The following PRMT1 variants were observed in gnomAD, a reference collection of about 807,000 sequenced individuals.
PRMT1 encodes the protein protein arginine methyltransferase 1, also known as protein arginine N-methyltransferase 1.
A neutral mutation model predicts 47.4 loss-of-function variants in PRMT1; 5 were observed. The ratio of observed to expected loss-of-function variants is 0.11; its 90% confidence interval spans 0.06 to 0.22. PRMT1 has a LOEUF of 0.22. Among genes scored for constraint, PRMT1 ranks in the 10% least tolerant of loss-of-function variants. The probability of loss-of-function intolerance (pLI) is 1.00; values close to 1 mark genes in which losing one functional copy is unlikely to be tolerated. For synonymous variants in PRMT1, 227 were observed against 204.6 expected, an observed-to-expected ratio of 1.11 and a Z score of -0.94; for missense variants, 249 against 518.4, an observed-to-expected ratio of 0.48 and a Z score of 5.05.
chr19:49,682,164 G>C (rs757453496), intron 4 of PRMT1, 32 bp from the exon 5 acceptor site: 1 of 1,613,786 alleles, frequency 6.2e-7, no homozygotes, highest in South Asian at 1.1e-5. Flanking sequence ...GCAGGGGATG[G>C]GTCTCACCCT....
chr19:49,678,815 C>T (rs1367637284), intron 1 of PRMT1, among the ~76,000 whole-genome samples: 1 of 151,792 alleles, frequency 6.6e-6, no homozygotes. Context: ...GGCTTGGCCG[C>T]ACCTGGAAGT....
At position 49,680,270 on chromosome 19, in the gene PRMT1, C is replaced by A; in HGVS notation, c.91-217C>A. 1 of 1,518,244 alleles carries A rather than the reference C, an allele frequency of 6.6e-7. No homozygotes were observed. Among genetic ancestry groups the A allele is most frequent in the Non-Finnish European group, 9.1e-7 (1 of 1,097,102 alleles). The allele number at this position is 1,518,244 out of a possible 1,614,324, so 94.0% of individuals were successfully genotyped here. On this transcript the variant is annotated intron_variant, in intron 2 of 10. Coordinates refer to ENST00000454376, the MANE Select transcript of PRMT1 (RefSeq NM_001536.6). The surrounding 1 kb of genome is among the most constrained non-coding windows in gnomAD (Gnocchi z 4.2). ...GTGGCTGAGGTATCGGGGTGCTCCC[C>A]TGGATGGTGCTCTGGGGGGGTCCTG...
chr19:49,685,841 T>G lies in PRMT1; in HGVS notation c.760-252T>G. On this transcript the variant is annotated intron_variant, in intron 8 of 10. Coordinates refer to ENST00000454376, the MANE Select transcript of PRMT1 (RefSeq NM_001536.6). This position sits in a 1 kb window ranked among gnomAD's most constrained non-coding sequence, Gnocchi z 4.7. ...TGCATTCTAGGAGGTCTGGACAGAG[T>G]TAGGGTGGCACTGCCAGGTTTGGGT... 1 of 1,337,232 alleles carries G rather than the reference T, an allele frequency of 7.5e-7. No individual in the cohort carries two copies. Among genetic ancestry groups the G allele is most frequent in the East Asian group, 3.1e-5 (1 of 32,448 alleles). 82.8% of individuals were successfully genotyped at this position (1,337,232 alleles called of 1,614,324 possible). A position where few individuals can be genotyped will look rare whatever the true frequency, so the allele number is the denominator to read the frequency against.
Position 49,684,137 on chromosome 19 carries a change from T to C in PRMT1, c.555+68T>C. On this transcript the variant is annotated intron_variant, in intron 6 of 10. Coordinates refer to ENST00000454376, the MANE Select transcript of PRMT1 (RefSeq NM_001536.6). This position sits in a 1 kb window ranked among gnomAD's most constrained non-coding sequence, Gnocchi z 6.2. ...TCCAGGTAGAAGACGAAAACCACGC[T>C]CAATTTTTCCCACAGACGGGACTTA... 2 of 1,590,412 alleles carry C rather than the reference T, an allele frequency of 1.3e-6. No individual in the cohort carries two copies. The highest frequency in any genetic ancestry group is 1.7e-6 in the Non-Finnish European group (2 of 1,163,454).
At chr19:49,686,402 T>C (rs922355658) in intron 9 of PRMT1, among the ~76,000 whole-genome samples, 159 bp downstream of exon 9, 4 of 152,088 alleles carry the variant, frequency 2.6e-5, no homozygotes, top group African/African-American at 9.7e-5. Flanking sequence ...CTTGGGCAAG[T>C]GACCTGAGTG....
chr19:49,688,244 G>A lies in PRMT1; in HGVS notation c.1115G>A (p.Ter372=). The A allele has an allele frequency of 2.5e-6, 4 of 1,613,848 alleles. No individual in the cohort carries two copies. Among genetic ancestry groups the A allele is most frequent in the African/African-American group, 1.3e-5 (1 of 75,042 alleles). Residue 372 remains the stop codon, a stop_retained_variant, in exon 11 of 11, where the codon TGA becomes TAA. Transcript: ENST00000454376. This position sits in a 1 kb window ranked among gnomAD's most constrained non-coding sequence, Gnocchi z 5.3. ...LSCSTDYRMR[*] The stretch of plus-strand genomic sequence containing the variant: ...TGCTCCACCGACTACCGGATGCGCT[G>A]AGGCCCGGCTCTCCCGCCCTGCACG...
In PRMT1 at chr19:49,680,008, T is replaced by C; in HGVS notation, c.90+83T>C. 9 of 1,398,516 alleles carry C rather than the reference T, an allele frequency of 6.4e-6. No individual in the cohort carries two copies. The highest frequency in any genetic ancestry group is 9.0e-6 in the Non-Finnish European group (9 of 1,004,034). The allele number at this position is 1,398,516 out of a possible 1,614,324, so 86.6% of individuals were successfully genotyped here. A position where few individuals can be genotyped will look rare whatever the true frequency, so the allele number is the denominator to read the frequency against. ...CCACACATCTGGCCCTTTCTTGAGG[T>C]CTAACCATACCCCTCTTGCTTCAAA... On this transcript the variant is annotated intron_variant, in intron 2 of 10. Coordinates refer to ENST00000454376, the MANE Select transcript of PRMT1 (RefSeq NM_001536.6). The surrounding 1 kb of genome is among the most constrained non-coding windows in gnomAD (Gnocchi z 4.2).
At chr19:49,677,674 G>A (rs1001695931) in intron 1 of PRMT1, 22 of 192,008 alleles carry the variant, frequency 1.1e-4, no homozygotes, top group African/African-American at 5.1e-4. Context: ...GCCCCCGGCC[G>A]GGGAGGGGCG....
At chr19:49,682,723 A>C (rs899939393) in intron 5 of PRMT1, among the ~76,000 whole-genome samples, 15 of 150,588 alleles carry the variant, frequency 1.0e-4, no homozygotes, top group Admixed American at 9.2e-4. Flanking sequence ...AACACTTTCC[A>C]GGATGTTGCG....
In PRMT1 at chr19:49,680,177, T is replaced by TTCCCC; in HGVS notation, c.90+263_90+267dup. 1 of 1,550,380 alleles carries TTCCCC rather than the reference T, an allele frequency of 6.5e-7. No homozygotes were observed. The highest frequency in any genetic ancestry group is 8.8e-7 in the Non-Finnish European group (1 of 1,140,662). ...TTCCCTGTGTCTGCCCCCATTTTCC[T>TTCCCC]TCCCCTCCCCTCCCCAGCTGTGGGC... is the stretch of plus-strand genomic sequence containing the variant. On this transcript the variant is annotated intron_variant, in intron 2 of 10. Coordinates refer to ENST00000454376, the MANE Select transcript of PRMT1 (RefSeq NM_001536.6). The surrounding 1 kb of genome is among the most constrained non-coding windows in gnomAD (Gnocchi z 4.2).
At chr19:49,679,752 C>G in intron 1 of PRMT1, 120 bp from the exon 2 acceptor site, 1 of 746,378 alleles carries the variant, frequency 1.3e-6, no homozygotes, top group South Asian at 1.5e-5. Context: ...CGCCACCACT[C>G]CCCACCAAGA....
rs373094892 is a variant in PRMT1, at chr19:49,683,469, G to A, written c.413-458G>A. Reference sequence around the variant, plus strand: ...TTTGGGAGGCCGAGGCGGGCGGATCGTGAGGTCAGGAGATCAAGACCATCC... The same window carrying A: ...TTTGGGAGGCCGAGGCGGGCGGATCATGAGGTCAGGAGATCAAGACCATCC... On this transcript the variant is annotated intron_variant, in intron 5 of 10. Coordinates refer to ENST00000454376, the MANE Select transcript of PRMT1 (RefSeq NM_001536.6). Among the ~76,000 whole-genome samples, 175 of 151,810 alleles carry A rather than the reference G, an allele frequency of 1.2e-3. 2 individuals are homozygous for A. Among genetic ancestry groups the A allele is most frequent in the African/African-American group, 3.8e-3 (158 of 41,460 alleles).
At chr19:49,677,466 A>G (rs2082052827) in intron 1 of PRMT1, 150 bp downstream of exon 1, 3 of 604,690 alleles carry the variant, frequency 5.0e-6, no homozygotes, top group East Asian at 3.4e-5. Context: ...ATCCGGGGAT[A>G]TCGTTTGAGG....
Position 49,688,087 on chromosome 19 carries a change from C to T in PRMT1, c.1033-75C>T. ...GAAGCTGGAGCCCGGCTCATCGTCG[C>T]ATAGCCTGCCTGCACCCGCCCCCCG... On this transcript the variant is annotated intron_variant, in intron 10 of 10. Transcript: ENST00000454376. The surrounding 1 kb of genome is among the most constrained non-coding windows in gnomAD (Gnocchi z 5.3). 7.7e-7 allele frequency: 1 copy of T among 1,302,488 alleles called. No homozygotes were observed. Among genetic ancestry groups the T allele is most frequent in the South Asian group, 1.2e-5 (1 of 84,902 alleles). 80.7% of individuals were successfully genotyped at this position (1,302,488 alleles called of 1,614,324 possible).
Position 49,684,736 on chromosome 19 carries a change from C to T in PRMT1, c.556-18C>T, listed in dbSNP as rs1169143893. ...TTGCCAGGCCCCACCCTTCATGCCTCGCCCTGCCCCTCTGTAGGCGCCCGA... is the reference window on the plus strand; with the variant it reads ...TTGCCAGGCCCCACCCTTCATGCCTTGCCCTGCCCCTCTGTAGGCGCCCGA... On this transcript the variant is annotated intron_variant, in intron 6 of 10. Transcript: ENST00000454376. The surrounding 1 kb of genome is among the most constrained non-coding windows in gnomAD (Gnocchi z 6.2). 1.1e-5 allele frequency: 17 copies of T among 1,549,678 alleles called. No individual in the cohort carries two copies. Among genetic ancestry groups the T allele is most frequent in the South Asian group, 5.9e-5 (5 of 84,156 alleles).
rs529952873 is a variant in PRMT1 at position 49,680,332 on chromosome 19, T to C, written c.91-155T>C. 1 of 993,984 alleles carries C rather than the reference T, an allele frequency of 1.0e-6. No homozygotes were observed. The highest frequency in any genetic ancestry group is 1.5e-6 in the Non-Finnish European group (1 of 649,600). The allele number at this position is 993,984 out of a possible 1,614,324, so 61.6% of individuals were successfully genotyped here. On this transcript the variant is annotated intron_variant, in intron 2 of 10. Coordinates refer to ENST00000454376, the MANE Select transcript of PRMT1 (RefSeq NM_001536.6). This position sits in a 1 kb window ranked among gnomAD's most constrained non-coding sequence, Gnocchi z 4.2. ...TGGGGTTGTTAGGTTTTGGGGTTCC[T>C]GGGGGGGCAAGATGGCAGGCGGGGG...
chr19:49,680,387 G>T lies in PRMT1; in HGVS notation c.91-100G>T. On this transcript the variant is annotated intron_variant, in intron 2 of 10. Transcript: ENST00000454376. The surrounding 1 kb of genome is among the most constrained non-coding windows in gnomAD (Gnocchi z 4.2). ...AGGGTTGTCATGGTATGATTTTGGG[G>T]GTTCTATACTACTCTTCAGGGAAAA... 8.6e-7 allele frequency: 1 copy of T among 1,161,116 alleles called. No homozygotes were observed. The highest frequency in any genetic ancestry group is 1.3e-6 in the Non-Finnish European group (1 of 779,020). 71.9% of individuals were successfully genotyped at this position (1,161,116 alleles called of 1,614,324 possible). A position where few individuals can be genotyped will look rare whatever the true frequency, so the allele number is the denominator to read the frequency against.
intron 5 of PRMT1, 146 bp from the exon 6 acceptor site, chr19:49,683,781 A>G: frequency 2.3e-6 from 2 of 886,332 alleles, no homozygotes; most frequent in Non-Finnish European, 3.4e-6. Flanking sequence ...CGATGTATGA[A>G]TTTTAAAACT....
rs182667483 is a variant in PRMT1 at position 49,684,134 on chromosome 19, C to T, written c.555+65C>T. The T allele has an allele frequency of 2.2e-4, 355 of 1,593,732 alleles. 1 individual carries two copies. The East Asian group carries it at 3.6e-3, about 16-fold the overall frequency. ...GGGTCCAGGTAGAAGACGAAAACCA[C>T]GCTCAATTTTTCCCACAGACGGGAC... On this transcript the variant is annotated intron_variant, in intron 6 of 10. Transcript: ENST00000454376. This position sits in a 1 kb window ranked among gnomAD's most constrained non-coding sequence, Gnocchi z 6.2.
Sources: allele counts gnomAD v4.1 joint callset (sites outside exome capture counted in the v4.1 genomes callset), GRCh38; gene constraint gnomAD v4.1.1; non-coding constraint Gnocchi (gnomAD v3.1); transcripts MANE v1.5; gene names NCBI Gene and HGNC (gene_info 2026-07-23, HGNC 2026-07-21).